The following CTXN3 variants were observed in gnomAD, a reference collection of about 807,000 sequenced individuals.
CTXN3 encodes cortexin 3, also known as cortexin-3.
CTXN3 carries 4 observed loss-of-function variants against 5.0 expected under a neutral mutation model. The ratio of observed to expected loss-of-function variants is 0.79; its 90% CI spans 0.39 to 1.82. CTXN3 has a LOEUF of 1.82. Among genes scored for constraint, CTXN3 ranks in the 40% most tolerant of loss-of-function variants. CTXN3 has a pLI of 0.04. For synonymous variants in CTXN3, 48 were observed against 38.6 expected (o/e 1.24, Z -0.91); for missense variants, 89 against 99.7 (o/e 0.89, Z 0.46).
rs1749968871 is a variant in CTXN3, at chr5:127,658,533, GA to G, written c.*770del. ...GTGCAGCTTAAAGTTTTTTTTCAAT[GA>G]AAAGTTAATTGTTTAGAGGAGAAGA... On this transcript the variant is annotated 3_prime_UTR_variant, in exon 3 of 3. Coordinates refer to ENST00000379445, the MANE Select transcript of CTXN3 (RefSeq NM_001048252.3). 6.0e-6 allele frequency: 1 copy of G among 167,064 alleles called. No individual in the cohort carries two copies. Among genetic ancestry groups the G allele is most frequent in the African/African-American group, 2.4e-5 (1 of 41,506 alleles). 10.3% of individuals were successfully genotyped at this position (167,064 alleles called of 1,614,324 possible).
intron 1 of CTXN3, among the ~76,000 whole-genome samples, chr5:127,649,829 A>G (rs1749747474): frequency 6.6e-6 from 1 of 152,150 alleles, no homozygotes; most frequent in African/African-American, 2.4e-5. Flanking sequence ...TCCCTGGCTG[A>G]TAAGCTGTGT....
intron 1 of CTXN3, among the ~76,000 whole-genome samples, chr5:127,650,039 A>G (rs1749751805): frequency 6.6e-6 from 1 of 152,126 alleles, no homozygotes; most frequent in South Asian, 2.1e-4. Flanking sequence ...GCTAGGCAGT[A>G]GCCTTGCCCT....
At position 127,658,498 on chromosome 5, in the gene CTXN3, T is replaced by C. The variant is rs572150467; in HGVS notation, c.*731T>C. On this transcript the variant is annotated 3_prime_UTR_variant, in exon 3 of 3. Transcript: ENST00000379445. ...CACTTTACACAAATGATTTAAAAAA[T>C]AGGTTGCAAGTGCAGCTTAAAGTTT... The C allele has an allele frequency of 6.0e-6, 1 of 167,258 alleles. No homozygotes were observed. The highest frequency in any genetic ancestry group is 2.4e-5 in the African/African-American group (1 of 41,604). The allele number at this position is 167,258 out of a possible 1,614,324, so 10.4% of individuals were successfully genotyped here. A position where few individuals can be genotyped will look rare whatever the true frequency, so the allele number is the denominator to read the frequency against.
chr5:127,654,316 T>C (rs927500700), intron 2 of CTXN3, among the ~76,000 whole-genome samples: 1 of 152,198 alleles, frequency 6.6e-6, no homozygotes, highest in African/African-American at 2.4e-5. Flanking sequence ...GATGAAGACA[T>C]TGGAGTATAC....
At position 127,653,364 on chromosome 5, in the gene CTXN3, A is replaced by G. The variant is rs1012116334; in HGVS notation, c.-159A>G. ...CTGAGCACCCACAAATGGACCTGACAAAGGGAAGACACAGATGTACTGCGT... is the reference window on the plus strand; with the variant it reads ...CTGAGCACCCACAAATGGACCTGACGAAGGGAAGACACAGATGTACTGCGT... On this transcript the variant is annotated 5_prime_UTR_variant, in exon 2 of 3. Coordinates refer to ENST00000379445, the MANE Select transcript of CTXN3 (RefSeq NM_001048252.3). 4 of 152,228 alleles carry G rather than the reference A, an allele frequency of 2.6e-5. No individual in the cohort carries two copies. The highest frequency in any genetic ancestry group is 7.2e-5 in the African/African-American group (3 of 41,450). The allele number at this position is 152,228 out of a possible 1,614,324, so 9.4% of individuals were successfully genotyped here. A position where few individuals can be genotyped will look rare whatever the true frequency, so the allele number is the denominator to read the frequency against.
At chr5:127,656,847 C>T (rs1251564550) in intron 2 of CTXN3, among the ~76,000 whole-genome samples, 2 of 152,196 alleles carry the variant, frequency 1.3e-5, no homozygotes, top group Non-Finnish European at 2.9e-5. Flanking sequence ...GTCCCACACC[C>T]GTTTTGCAGT....
At chr5:127,654,390 C>G (rs1047588292) in intron 2 of CTXN3, among the ~76,000 whole-genome samples, 1 of 152,164 alleles carries the variant, frequency 6.6e-6, no homozygotes, top group East Asian at 1.9e-4. Context: ...TGTACCTTGC[C>G]TTTTAATCAG....
At position 127,657,513 on chromosome 5, in the gene CTXN3, C is replaced by T; in HGVS notation, c.-9C>T. The T allele has an allele frequency of 6.2e-7, 1 of 1,613,858 alleles. No homozygotes were observed. The highest frequency in any genetic ancestry group is 8.5e-7 in the Non-Finnish European group (1 of 1,179,918). On this transcript the variant is annotated 5_prime_UTR_variant, in exon 3 of 3. Coordinates refer to ENST00000379445, the MANE Select transcript of CTXN3 (RefSeq NM_001048252.3). Reference sequence around the variant, plus strand: ...ACCAGGATATCCTGTGCTCTGGCTTCCCTGGACCATGGATGGAGGACAGCC... The same window carrying T: ...ACCAGGATATCCTGTGCTCTGGCTTTCCTGGACCATGGATGGAGGACAGCC...
In CTXN3 at chr5:127,657,997, A is replaced by G. The variant is rs1260839304; in HGVS notation, c.*230A>G. On this transcript the variant is annotated 3_prime_UTR_variant, in exon 3 of 3. Coordinates refer to ENST00000379445, the MANE Select transcript of CTXN3 (RefSeq NM_001048252.3). ...AAGGTTTAAATTTTTATGTTTGCTC[A>G]ATGAATGAGTACTCTTAAAATTGTG... 1 of 522,940 alleles carries G rather than the reference A, an allele frequency of 1.9e-6. No individual in the cohort carries two copies. The highest frequency in any genetic ancestry group is 1.9e-5 in the African/African-American group (1 of 51,796). The allele number at this position is 522,940 out of a possible 1,614,324, so 32.4% of individuals were successfully genotyped here. A position where few individuals can be genotyped will look rare whatever the true frequency, so the allele number is the denominator to read the frequency against.
At chr5:127,653,942 G>A (rs926485296) in intron 2 of CTXN3, among the ~76,000 whole-genome samples, 7 of 152,102 alleles carry the variant, frequency 4.6e-5, no homozygotes, top group Non-Finnish European at 1.0e-4. Context: ...CCCTCCCCTA[G>A]GGCTCTCCAG....
intron 1 of CTXN3, among the ~76,000 whole-genome samples, chr5:127,649,885 T>C (rs1189208004): frequency 1.3e-5 from 2 of 152,146 alleles, no homozygotes; most frequent in East Asian, 1.9e-4. Flanking sequence ...GTTTTCACTA[T>C]GAAACACACA....
chr5:127,653,144 T>A (rs1307582995), intron 1 of CTXN3, 173 bp from the exon 2 acceptor site: 2 of 152,162 alleles, frequency 1.3e-5, no homozygotes, highest in Non-Finnish European at 2.9e-5. Context: ...AGCAAGTGAC[T>A]AAGAGTGTGA....
In CTXN3 at chr5:127,651,394, G is replaced by A. The variant is rs147687994; in HGVS notation, c.-206-1923G>A. Among the ~76,000 whole-genome samples, 118 of 152,212 alleles carry A rather than the reference G, an allele frequency of 7.8e-4. 1 individual carries two copies. The highest frequency in any genetic ancestry group is 2.5e-3 in the African/African-American group (105 of 41,522). ...ATTGCTTCACTGCACCCTACAGGCCGTTAACACCTGAGGGATGACACCTTC... is the reference window on the plus strand; with the variant it reads ...ATTGCTTCACTGCACCCTACAGGCCATTAACACCTGAGGGATGACACCTTC... On this transcript the variant is annotated intron_variant, in intron 1 of 2. Transcript: ENST00000379445.
In CTXN3 at chr5:127,649,163, C is replaced by G. The variant is rs545410461; in HGVS notation, c.-432C>G. The G allele has an allele frequency of 2.0e-5, 3 of 152,276 alleles. No individual in the cohort carries two copies. Among genetic ancestry groups the G allele is most frequent in the African/African-American group, 7.2e-5 (3 of 41,552 alleles). The allele number at this position is 152,276 out of a possible 1,614,324, so 9.4% of individuals were successfully genotyped here. A position where few individuals can be genotyped will look rare whatever the true frequency, so the allele number is the denominator to read the frequency against. ...GCAGCAGTATTGGCCGTTAATGATG[C>G]CTCACACAGAAAGACGATGCTCCTT... On this transcript the variant is annotated 5_prime_UTR_variant, in exon 1 of 3. Transcript: ENST00000379445.
chr5:127,654,069 G>C lies in CTXN3; in HGVS notation c.-100+646G>C, dbSNP rs115180587. 2.4e-3 allele frequency among the ~76,000 whole-genome samples: 368 copies of C among 152,190 alleles called. 1 individual carries two copies. Among genetic ancestry groups the C allele is most frequent in the African/African-American group, 7.7e-3 (320 of 41,510 alleles). ...CTTACCACACTTTCCCCTCCTTCAG[G>C]TGGGAACGGTCCTCACAAATTCCTG... On this transcript the variant is annotated intron_variant, in intron 2 of 2. Coordinates refer to ENST00000379445, the MANE Select transcript of CTXN3 (RefSeq NM_001048252.3).
Position 127,657,498 on chromosome 5 carries a change from C to T in CTXN3, c.-24C>T. Reference sequence around the variant, plus strand: ...ATGGAAGAAAAGAAAACCAGGATATCCTGTGCTCTGGCTTCCCTGGACCAT... The same window carrying T: ...ATGGAAGAAAAGAAAACCAGGATATTCTGTGCTCTGGCTTCCCTGGACCAT... On this transcript the variant is annotated 5_prime_UTR_variant, in exon 3 of 3. Transcript: ENST00000379445. 6.2e-7 allele frequency: 1 copy of T among 1,612,820 alleles called. No individual in the cohort carries two copies. The highest frequency in any genetic ancestry group is 8.5e-7 in the Non-Finnish European group (1 of 1,179,408).
intron 1 of CTXN3, among the ~76,000 whole-genome samples, chr5:127,649,953 T>C (rs187437340): frequency 6.6e-6 from 1 of 152,234 alleles, no homozygotes; most frequent in Non-Finnish European, 1.5e-5. Context: ...AGTTAAAAGT[T>C]CCAGTTCGTT....
At position 127,653,363 on chromosome 5, in the gene CTXN3, C is replaced by A. The variant is rs1749835185; in HGVS notation, c.-160C>A. On this transcript the variant is annotated 5_prime_UTR_variant, in exon 2 of 3. Coordinates refer to ENST00000379445, the MANE Select transcript of CTXN3 (RefSeq NM_001048252.3). ...CCTGAGCACCCACAAATGGACCTGA[C>A]AAAGGGAAGACACAGATGTACTGCG... 1 of 152,148 alleles carries A rather than the reference C, an allele frequency of 6.6e-6. No individual in the cohort carries two copies. The highest frequency in any genetic ancestry group is 1.5e-5 in the Non-Finnish European group (1 of 68,028). The allele number at this position is 152,148 out of a possible 1,614,324, so 9.4% of individuals were successfully genotyped here. A position where few individuals can be genotyped will look rare whatever the true frequency, so the allele number is the denominator to read the frequency against.
At chr5:127,651,565 A>G (rs1233731715) in intron 1 of CTXN3, 1 of 152,170 alleles carries the variant, frequency 6.6e-6, no homozygotes, top group Non-Finnish European at 1.5e-5. Context: ...GTGCTTGATC[A>G]CATAATAGAA....
Sources: allele counts gnomAD v4.1 joint callset (sites outside exome capture counted in the v4.1 genomes callset), GRCh38; gene constraint gnomAD v4.1.1; transcripts MANE v1.5; gene names NCBI Gene and HGNC (gene_info 2026-07-23, HGNC 2026-07-21).